The following ATAD5 variants were observed in gnomAD, a reference collection of about 807,000 sequenced individuals.
ATAD5 encodes the protein ATPase family AAA domain containing 5.
In ATAD5, 58 loss-of-function variants were observed where a neutral mutation model predicts 176.9. The ratio of observed to expected loss-of-function variants is 0.33; its 90% CI spans 0.27 to 0.41. The LOEUF (loss-of-function observed/expected upper bound fraction) is 0.41. ATAD5 is among the 10% of genes least tolerant of loss of function. ATAD5 has a pLI of 1.00. For missense variants in ATAD5, 1,789 were observed against 2,094.1 expected (o/e 0.85, Z 2.84); for synonymous variants, 640 against 712.6 (o/e 0.90, Z 1.62).
At chr17:30,848,474 G>T (rs770657360) in intron 6 of ATAD5, among the ~76,000 whole-genome samples, 2 of 151,950 alleles carry the variant, frequency 1.3e-5, no homozygotes, top group Non-Finnish European at 2.9e-5. Flanking sequence ...GCCCAGGCTG[G>T]TCTCAAACTC....
intron 6 of ATAD5, among the ~76,000 whole-genome samples, chr17:30,852,132 T>C (rs900956171): frequency 6.6e-6 from 1 of 152,222 alleles, no homozygotes; most frequent in Non-Finnish European, 1.5e-5. Flanking sequence ...TATAAGAGCT[T>C]TTTTGTCTCC....
intron 14 of ATAD5, among the ~76,000 whole-genome samples, chr17:30,871,846 T>G (rs1438589827): frequency 2.0e-5 from 3 of 152,154 alleles, no homozygotes; most frequent in African/African-American, 7.2e-5. Context: ...ATCCTGCACT[T>G]TTTGTACCTA....
At chr17:30,850,822 T>TA (rs1906840637) in intron 6 of ATAD5, among the ~76,000 whole-genome samples, 1 of 45,628 alleles carries the variant, frequency 2.2e-5, no homozygotes, top group African/African-American at 1.7e-4. Context: ...ATTATTTATA[T>TA]TTATATATTT....
In ATAD5 at chr17:30,860,809, C is replaced by T. The variant is rs141861725; in HGVS notation, c.3136+197C>T. Among the ~76,000 whole-genome samples, 1,221 of 152,204 alleles carry T rather than the reference C, an allele frequency of 8.0e-3. 18 individuals are homozygous for T. The highest frequency in any genetic ancestry group is 0.028 in the African/African-American group (1,159 of 41,550). ...GGCTGGAGTGCAATGGCACGATCTT[C>T]GCTCACTGCAACGTCCCTCCACCTC... On this transcript the variant is annotated intron_variant, in intron 10 of 22. Coordinates refer to ENST00000321990, the MANE Select transcript of ATAD5 (RefSeq NM_024857.5).
chr17:30,840,598 GTTTCAAT>G lies in ATAD5; in HGVS notation c.2077-15_2077-9del. 1 of 1,431,440 alleles carries G rather than the reference GTTTCAAT, an allele frequency of 7.0e-7. No homozygotes were observed. Among genetic ancestry groups the G allele is most frequent in the Non-Finnish European group, 9.4e-7 (1 of 1,066,368 alleles). 88.7% of individuals were successfully genotyped at this position (1,431,440 alleles called of 1,614,324 possible). A position where few individuals can be genotyped will look rare whatever the true frequency, so the allele number is the denominator to read the frequency against. On this transcript the variant is annotated splice_polypyrimidine_tract_variant and intron_variant, in intron 3 of 22. Transcript: ENST00000321990. ...ATATTTTCTTGTGATGTAAATTAATGTTTCAATTTTTTGTTTAGGCAAGCAATACTTC... is the reference window on the plus strand; with the variant it reads ...ATATTTTCTTGTGATGTAAATTAATGTTTTTGTTTAGGCAAGCAATACTTC...
chr17:30,834,725 A>G lies in ATAD5; in HGVS notation c.644A>G (p.Asp215Gly), dbSNP rs1268785862. 6.2e-7 allele frequency: 1 copy of G among 1,613,510 alleles called. No individual in the cohort carries two copies. The highest frequency in any genetic ancestry group is 8.5e-7 in the Non-Finnish European group (1 of 1,179,774). ...AAAAGGAAATGCAGAGATGTAGTAG[A>G]TCTATCTGAAAGCTTACCCTTGGCA... is the stretch of plus-strand genomic sequence containing the variant. ...LRKRKCRDVV[D>G]LSESLPLAEE... The change falls in exon 2 of 23, where the codon GAT becomes GGT. Residue 215 changes from aspartate (D) to glycine (G), a missense_variant. By Grantham distance (94) the Asp-to-Gly change is moderately conservative. This residue lies in a region of ATAD5 where 696 missense variants were observed against 712.5 expected (regional missense o/e 0.98). Transcript: ENST00000321990.
chr17:30,845,043 G>A (rs1310596275), intron 6 of ATAD5, 127 bp downstream of exon 6: 5 of 824,928 alleles, frequency 6.1e-6, no homozygotes, highest in Non-Finnish European at 9.2e-6. Context: ...TTTCAAAGTT[G>A]ACAATATTGA....
chr17:30,875,646 G>A (rs9914534), intron 14 of ATAD5, among the ~76,000 whole-genome samples: 20,059 of 151,730 alleles, frequency 0.13, 1,538 homozygotes, highest in South Asian at 0.25. Flanking sequence ...AAATACAAAC[G>A]ATTAGCCAGG....
At chr17:30,869,695 T>C in intron 14 of ATAD5, 49 bp downstream of exon 14, 1 of 1,529,046 alleles carries the variant, frequency 6.5e-7, no homozygotes, top group Non-Finnish European at 8.8e-7. Context: ...AAAAATAAAA[T>C]CTAAGAAAGT....
chr17:30,886,555 C>A (rs1053496925), intron 18 of ATAD5, among the ~76,000 whole-genome samples: 17 of 151,836 alleles, frequency 1.1e-4, no homozygotes, highest in African/African-American at 4.1e-4. Flanking sequence ...GGGGTATCAC[C>A]ATGTTGGGCA....
intron 6 of ATAD5, among the ~76,000 whole-genome samples, chr17:30,850,580 C>T (rs1209609224): frequency 6.6e-6 from 1 of 151,390 alleles, no homozygotes; most frequent in Non-Finnish European, 1.5e-5. Context: ...CTAAGGTTAA[C>T]TTTTTTAGTC....
At chr17:30,889,365 A>G (rs1475937042) in intron 19 of ATAD5, among the ~76,000 whole-genome samples, 1 of 151,022 alleles carries the variant, frequency 6.6e-6, no homozygotes, top group Non-Finnish European at 1.5e-5. Context: ...TGTTACTTAT[A>G]CATGTATTAA....
In ATAD5 at chr17:30,832,494, C is replaced by T; in HGVS notation, c.66+81C>T. On this transcript the variant is annotated intron_variant, in intron 1 of 22. Coordinates refer to ENST00000321990, the MANE Select transcript of ATAD5 (RefSeq NM_024857.5). ...AAGGTGGGTCTTGGCGGAAGGTGAT[C>T]CTGACTTTGTAAGGGGAAAGGTGGG... 5 of 1,355,772 alleles carry T rather than the reference C, an allele frequency of 3.7e-6. No homozygotes were observed. In the South Asian group the frequency reaches 8.8e-5, roughly 24 times the overall value. 84.0% of individuals were successfully genotyped at this position (1,355,772 alleles called of 1,614,324 possible).
chr17:30,874,143 C>A (rs764416827), intron 14 of ATAD5, among the ~76,000 whole-genome samples: 1 of 147,016 alleles, frequency 6.8e-6, no homozygotes, highest in Non-Finnish European at 1.5e-5. Context: ...CCAGCCTGGG[C>A]GACAGTGTGA....
intron 18 of ATAD5, among the ~76,000 whole-genome samples, chr17:30,881,745 TC>T (rs910360670): frequency 6.6e-6 from 1 of 151,264 alleles, no homozygotes; most frequent in African/African-American, 2.4e-5. Context: ...AAACCCTGTC[TC>T]TACAAAAAAT....
chr17:30,892,281 C>T (rs910027572), intron 19 of ATAD5, among the ~76,000 whole-genome samples: 5 of 151,550 alleles, frequency 3.3e-5, no homozygotes, highest in Non-Finnish European at 7.4e-5. Context: ...AAAAAGTAGC[C>T]GGGTGTGGTA....
intron 1 of ATAD5, among the ~76,000 whole-genome samples, chr17:30,833,549 G>A (rs1333237163): frequency 1.3e-5 from 2 of 152,138 alleles, no homozygotes; most frequent in Non-Finnish European, 2.9e-5. Context: ...TTTGCTTAAC[G>A]TTTTACACCA....
intron 12 of ATAD5, 52 bp from the exon 13 acceptor site, chr17:30,869,196 G>T: frequency 6.5e-7 from 1 of 1,548,660 alleles, no homozygotes; most frequent in South Asian, 1.2e-5. Context: ...TCATAAGGTA[G>T]AATTGCTTCC....
At chr17:30,847,999 C>T (rs933414799) in intron 6 of ATAD5, among the ~76,000 whole-genome samples, 1 of 152,106 alleles carries the variant, frequency 6.6e-6, no homozygotes, top group African/African-American at 2.4e-5. Context: ...GGATTACAAG[C>T]GCGAGCCACC....
Sources: allele counts gnomAD v4.1 joint callset (sites outside exome capture counted in the v4.1 genomes callset), GRCh38; gene constraint gnomAD v4.1.1; regional missense constraint gnomAD v4.1.1; transcripts MANE v1.5; gene names NCBI Gene and HGNC (gene_info 2026-07-23, HGNC 2026-07-21).